SETDB2: variants seen among roughly 807,000 people sequenced by gnomAD.
SETDB2 encodes histone-lysine N-methyltransferase SETDB2.
In SETDB2, 56 loss-of-function variants were observed where a neutral mutation model predicts 82.5. The ratio of observed to expected loss-of-function variants is 0.68; its 90% CI spans 0.55 to 0.85. SETDB2 has a LOEUF of 0.85. Ranked by LOEUF, SETDB2 falls within the 40% of genes least tolerant of loss-of-function variation. SETDB2 has a pLI of 0.00. For missense variants in SETDB2, 677 were observed against 816.4 expected (o/e 0.83, Z 2.08); for synonymous variants, 272 against 284.9 (o/e 0.95, Z 0.46).
rs1304853886 is a variant in SETDB2 at position 49,491,912 on chromosome 13, G to A, written c.*63G>A. 8.9e-7 allele frequency: 1 copy of A among 1,121,408 alleles called. No individual in the cohort carries two copies. The highest frequency in any genetic ancestry group is 1.7e-5 in the Admixed American group (1 of 59,288). 69.5% of individuals were successfully genotyped at this position (1,121,408 alleles called of 1,614,324 possible). ...AGGCTGAAATTAAAGCCATGCAAAA[G>A]AAGGTCTAGGTCCATCAAGGAAATT... is the stretch of plus-strand genomic sequence containing the variant. On this transcript the variant is annotated 3_prime_UTR_variant, in exon 14 of 14. Coordinates refer to ENST00000611815, the MANE Select transcript of SETDB2 (RefSeq NM_001160308.3).
At position 49,444,431 on chromosome 13, in the gene SETDB2, A is replaced by G; in HGVS notation, c.-768A>G. The G allele has an allele frequency of 5.4e-6, 1 of 185,392 alleles. No homozygotes were observed. The highest frequency in any genetic ancestry group is 1.2e-5 in the Non-Finnish European group (1 of 85,624). The allele number at this position is 185,392 out of a possible 1,614,324, so 11.5% of individuals were successfully genotyped here. A position where few individuals can be genotyped will look rare whatever the true frequency, so the allele number is the denominator to read the frequency against. Reference sequence around the variant, plus strand: ...CGGAGGAGAGCCCCACCCGCGGAGGAACCCAGCCTTGCCAACGGAGCTGGC... The same window carrying G: ...CGGAGGAGAGCCCCACCCGCGGAGGGACCCAGCCTTGCCAACGGAGCTGGC... On this transcript the variant is annotated 5_prime_UTR_variant, in exon 1 of 14. Transcript: ENST00000611815.
intron 7 of SETDB2, among the ~76,000 whole-genome samples, chr13:49,480,575 C>T (rs114598352): frequency 0.011 from 1,713 of 152,256 alleles, 29 homozygotes; most frequent in African/African-American, 0.039. Context: ...GCTCTTACCC[C>T]TCTAGTATCA....
intron 1 of SETDB2, among the ~76,000 whole-genome samples, chr13:49,450,369 C>CA (rs1291565924): frequency 2.6e-5 from 4 of 152,164 alleles, no homozygotes; most frequent in African/African-American, 9.7e-5. Flanking sequence ...TCTGTTCTGT[C>CA]ATTCAGTCAT....
chr13:49,482,767 A>T lies in SETDB2; in HGVS notation c.1187A>T (p.Lys396Ile), dbSNP rs73491278. The part of the protein sequence containing the change: ...GRLLSRANTE[K>I]SYGIDENGRD... The stretch of plus-strand genomic sequence containing the variant: ...TTACTAAGCAGAGCTAACACTGAAA[A>T]ATCTTATGGTATTGATGAAAACGGG... Residue 396 changes from lysine to isoleucine, a missense_variant, in exon 9 of 14, where the codon AAA becomes ATA. Lys to Ile is a moderately radical substitution (Grantham distance 102). Coordinates refer to ENST00000611815, the MANE Select transcript of SETDB2 (RefSeq NM_001160308.3). 5.1e-3 allele frequency: 8,200 copies of T among 1,611,890 alleles called. 397 individuals carry two copies. In the African/African-American group the frequency reaches 0.099, roughly 19 times the overall value.
At chr13:49,460,334 G>T in intron 3 of SETDB2, 102 bp downstream of exon 3, 1 of 1,189,906 alleles carries the variant, frequency 8.4e-7, no homozygotes. Flanking sequence ...AAAAGTAGAT[G>T]GATGTAATTA....
At chr13:49,483,401 A>C in intron 9 of SETDB2, 63 bp from the exon 10 acceptor site, 1 of 601,546 alleles carries the variant, frequency 1.7e-6, no homozygotes. Context: ...TATTATCTGT[A>C]CTTGAGTAAA....
chr13:49,453,979 C>G (rs1348300360), intron 2 of SETDB2, among the ~76,000 whole-genome samples: 2 of 152,096 alleles, frequency 1.3e-5, no homozygotes, highest in East Asian at 3.9e-4. Flanking sequence ...GCTGATGTTT[C>G]CAACTCTAAT....
chr13:49,446,246 TA>T (rs1362556542), intron 1 of SETDB2, among the ~76,000 whole-genome samples: 1 of 152,220 alleles, frequency 6.6e-6, no homozygotes, highest in Non-Finnish European at 1.5e-5. Flanking sequence ...TGGTACCTTG[TA>T]GATAAAGAGC....
At chr13:49,458,719 G>A (rs17072933) in intron 2 of SETDB2, among the ~76,000 whole-genome samples, 7,294 of 152,168 alleles carry the variant, frequency 0.048, 260 homozygotes, top group South Asian at 0.13. Flanking sequence ...CAGTTTGTTC[G>A]GAGAGCCTCT....
intron 5 of SETDB2, among the ~76,000 whole-genome samples, chr13:49,472,308 C>T (rs1009765673): frequency 6.6e-6 from 1 of 152,120 alleles, no homozygotes; most frequent in Non-Finnish European, 1.5e-5. Context: ...GATAGAATGA[C>T]TTCTTACTTT....
intron 5 of SETDB2, 132 bp from the exon 6 acceptor site, chr13:49,476,344 A>G (rs1006122804): frequency 1.3e-5 from 9 of 680,296 alleles, no homozygotes; most frequent in East Asian, 5.6e-5. Context: ...GCTGTAGAAC[A>G]TCTTAAAATG....
chr13:49,448,315 C>G (rs527967749), intron 1 of SETDB2, among the ~76,000 whole-genome samples: 2 of 152,118 alleles, frequency 1.3e-5, no homozygotes, highest in Non-Finnish European at 2.9e-5. Context: ...TCTTCAGTAG[C>G]TAGAGATCTA....
intron 4 of SETDB2, among the ~76,000 whole-genome samples, chr13:49,467,597 G>T (rs1958142407): frequency 6.6e-6 from 1 of 152,156 alleles, no homozygotes; most frequent in Non-Finnish European, 1.5e-5. Context: ...CCACCTTAAA[G>T]ATTGGTTAAG....
At chr13:49,483,185 G>T (rs1036751043) in intron 9 of SETDB2, among the ~76,000 whole-genome samples, 4 of 152,000 alleles carry the variant, frequency 2.6e-5, no homozygotes, top group Non-Finnish European at 4.4e-5. Context: ...ACTTTAGTCA[G>T]GTTTTTTATG....
chr13:49,480,484 G>T, intron 7 of SETDB2, 149 bp downstream of exon 7: 1 of 582,910 alleles, frequency 1.7e-6, no homozygotes, highest in Admixed American at 3.1e-5. Context: ...AAAATCCTGT[G>T]TATTGTTCGT....
chr13:49,470,776 TC>T (rs1349206062), intron 5 of SETDB2, among the ~76,000 whole-genome samples: 1 of 152,020 alleles, frequency 6.6e-6, no homozygotes, highest in Non-Finnish European at 1.5e-5. Flanking sequence ...GTCCAGAAGA[TC>T]AAGGCTGCAG....
In SETDB2 at chr13:49,456,528, G is replaced by A. The variant is rs17072931; in HGVS notation, c.17-3579G>A. 2.2e-4 allele frequency among the ~76,000 whole-genome samples: 34 copies of A among 152,256 alleles called. No homozygotes were observed. The East Asian group carries it at 4.2e-3, about 19-fold the overall frequency. On this transcript the variant is annotated intron_variant, in intron 2 of 13. Coordinates refer to ENST00000611815, the MANE Select transcript of SETDB2 (RefSeq NM_001160308.3). ...TATTCTTCATTTCTGGGGGCAAATA[G>A]CAGCAATATTAGTATGCTGAATTGA... is the stretch of plus-strand genomic sequence containing the variant.
intron 1 of SETDB2, among the ~76,000 whole-genome samples, chr13:49,448,040 C>T (rs1957725311): frequency 6.6e-6 from 1 of 151,906 alleles, no homozygotes. Context: ...AGTTGAGTAG[C>T]TTCCCATATT....
At chr13:49,470,674 C>A (rs1958210216) in intron 5 of SETDB2, among the ~76,000 whole-genome samples, 1 of 152,090 alleles carries the variant, frequency 6.6e-6, no homozygotes, top group East Asian at 1.9e-4. Context: ...ATGGCAAAAC[C>A]CCATCTCTAC....
Sources: gnomAD v4.1 joint callset for allele counts (sites outside exome capture counted in the v4.1 genomes callset) on GRCh38, gnomAD v4.1.1 for gene constraint, MANE v1.5 for transcripts, NCBI Gene and HGNC (gene_info 2026-07-23, HGNC 2026-07-21) for gene names.